MAGI2: variants seen among roughly 807,000 people sequenced by gnomAD.
MAGI2 encodes the protein membrane-associated guanylate kinase, WW and PDZ domain-containing protein 2.
MAGI2 carries 35 observed loss-of-function variants against 133.3 expected under a neutral mutation model. The observed-to-expected ratio is 0.26, with a 90% CI of 0.20 to 0.35. The LOEUF is 0.35. MAGI2 is among the 10% of genes least tolerant of loss of function. MAGI2 has a pLI of 1.00. For synonymous variants in MAGI2, 729 were observed against 710.6 expected (o/e 1.03, Z -0.41); for missense variants, 1,636 against 1,863.4 (o/e 0.88, Z 2.25).
intron 2 of MAGI2, among the ~76,000 whole-genome samples, chr7:78,941,331 A>G (rs1468526990): frequency 1.3e-5 from 2 of 152,042 alleles, no homozygotes; most frequent in Non-Finnish European, 2.9e-5. Flanking sequence ...AACACATACA[A>G]GGTAATTTCT....
intron 7 of MAGI2, 79 bp from the exon 8 acceptor site, chr7:78,346,122 C>T: frequency 1.3e-6 from 2 of 1,536,046 alleles, no homozygotes; most frequent in Non-Finnish European, 1.8e-6. Context: ...CTATGGAGAG[C>T]AGGTGATTAA....
At position 79,197,089 on chromosome 7, in the gene MAGI2, T is replaced by G. The variant is rs180702510; in HGVS notation, c.302-189883A>C. On this transcript the variant is annotated intron_variant, in intron 1 of 21. Transcript: ENST00000354212. ...AGCCACTGCACCTGGCCCAGAAGTT[T>G]GTTTTTTACATCAAAAGCCCTATCA... Among the ~76,000 whole-genome samples the G allele has an allele frequency of 8.6e-5, 13 of 151,980 alleles. No individual in the cohort carries two copies. In the East Asian group the frequency reaches 2.1e-3, roughly 25 times the overall value.
At chr7:78,094,867 T>C (rs1817557623) in intron 20 of MAGI2, among the ~76,000 whole-genome samples, 1 of 152,154 alleles carries the variant, frequency 6.6e-6, no homozygotes, top group African/African-American at 2.4e-5. Flanking sequence ...CCCACTCTCA[T>C]TGCATACTAG....
At chr7:78,062,025 G>C (rs118159961) in intron 21 of MAGI2, among the ~76,000 whole-genome samples, 2,793 of 152,318 alleles carry the variant, frequency 0.018, 38 homozygotes, top group Non-Finnish European at 0.024. Context: ...CATCAGCCGG[G>C]AAAGGAACCC....
chr7:78,358,242 A>G (rs1195307749), intron 7 of MAGI2: 1 of 126,522 alleles, frequency 7.9e-6, no homozygotes, highest in Non-Finnish European at 1.6e-5. Context: ...GACAGAGAGA[A>G]CTATCTATAT....
At chr7:78,558,423 C>T (rs1221952104) in intron 3 of MAGI2, among the ~76,000 whole-genome samples, 1 of 151,970 alleles carries the variant, frequency 6.6e-6, no homozygotes. Context: ...CAATCTCTTT[C>T]CTAAAAAAGT....
At chr7:78,829,796 A>G (rs1790984973) in intron 2 of MAGI2, among the ~76,000 whole-genome samples, 1 of 152,122 alleles carries the variant, frequency 6.6e-6, no homozygotes. Context: ...TTTTTAGTTC[A>G]CAAAATTGAT....
chr7:78,396,222 G>T (rs1393428494), intron 6 of MAGI2, among the ~76,000 whole-genome samples: 2 of 151,984 alleles, frequency 1.3e-5, no homozygotes, highest in African/African-American at 4.8e-5. Flanking sequence ...TAGAAACCAG[G>T]TACAATCATA....
intron 2 of MAGI2, among the ~76,000 whole-genome samples, chr7:78,924,099 G>A (rs1402374658): frequency 6.6e-6 from 1 of 152,164 alleles, no homozygotes; most frequent in Non-Finnish European, 1.5e-5. Flanking sequence ...TTTGGGCTGA[G>A]ACAATGGGGT....
At chr7:78,978,833 G>C (rs1804525975) in intron 2 of MAGI2, among the ~76,000 whole-genome samples, 1 of 151,826 alleles carries the variant, frequency 6.6e-6, no homozygotes, top group Non-Finnish European at 1.5e-5. Flanking sequence ...CTCTGTGTCA[G>C]CTCTGTACTC....
intron 1 of MAGI2, among the ~76,000 whole-genome samples, chr7:79,435,273 CA>C: frequency 6.6e-6 from 1 of 151,802 alleles, no homozygotes; most frequent in East Asian, 1.9e-4. Context: ...TGAATGTTTT[CA>C]AAAACATTCT....
intron 9 of MAGI2, among the ~76,000 whole-genome samples, chr7:78,266,545 G>C (rs1794025810): frequency 6.6e-6 from 1 of 151,438 alleles, no homozygotes; most frequent in Non-Finnish European, 1.5e-5. Context: ...TTTAGTTTCT[G>C]ATACCATGAA....
At chr7:79,126,176 A>G (rs972870458) in intron 1 of MAGI2, among the ~76,000 whole-genome samples, 1 of 152,198 alleles carries the variant, frequency 6.6e-6, no homozygotes, top group Non-Finnish European at 1.5e-5. Flanking sequence ...AAATAGAGGA[A>G]GATGAAGTAA....
intron 7 of MAGI2, chr7:78,351,936 T>TGTAG (rs1791561012): frequency 6.6e-6 from 1 of 152,118 alleles, no homozygotes; most frequent in African/African-American, 2.4e-5. Flanking sequence ...GATGCTCACA[T>TGTAG]CCAAGCCCCT....
At chr7:78,919,308 T>G (rs894128148) in intron 2 of MAGI2, among the ~76,000 whole-genome samples, 3 of 152,080 alleles carry the variant, frequency 2.0e-5, no homozygotes, top group African/African-American at 7.2e-5. Flanking sequence ...TATGAATTCA[T>G]TAATATAGAA....
chr7:79,341,013 T>A (rs957587632), intron 1 of MAGI2, among the ~76,000 whole-genome samples: 2 of 152,116 alleles, frequency 1.3e-5, no homozygotes, highest in Non-Finnish European at 2.9e-5. Flanking sequence ...AAATTATTTA[T>A]CAACTATAGC....
In MAGI2 at chr7:78,465,545, A is replaced by G. The variant is rs185365614; in HGVS notation, c.1045+24216T>C. Among the ~76,000 whole-genome samples the G allele has an allele frequency of 2.2e-3, 341 of 152,322 alleles. 1 individual carries two copies. The highest frequency in any genetic ancestry group is 7.9e-3 in the African/African-American group (328 of 41,580). ...TGGATAAGGATGTAATTATGAAAAG[A>G]TGTAGATTATCACAGAAAGATATAC... On this transcript the variant is annotated intron_variant, in intron 6 of 21. Transcript: ENST00000354212.
chr7:79,138,908 G>A (rs553959508), intron 1 of MAGI2, among the ~76,000 whole-genome samples: 21 of 150,476 alleles, frequency 1.4e-4, no homozygotes, highest in African/African-American at 4.2e-4. Context: ...CCCGGGAGGC[G>A]GAGCTTGCAG....
chr7:78,388,603 C>T (rs910496435), intron 6 of MAGI2, among the ~76,000 whole-genome samples: 5 of 152,000 alleles, frequency 3.3e-5, no homozygotes, highest in African/African-American at 1.2e-4. Context: ...AGACATTTAG[C>T]TAATTGTTAA....
Sources: allele counts gnomAD v4.1 joint callset (sites outside exome capture counted in the v4.1 genomes callset), GRCh38; gene constraint gnomAD v4.1.1; transcripts MANE v1.5; gene names NCBI Gene and HGNC (gene_info 2026-07-23, HGNC 2026-07-21).